The following SCNN1B variants were observed in gnomAD, a reference collection of about 807,000 sequenced individuals.
The protein encoded by SCNN1B is epithelial sodium channel subunit beta.
In SCNN1B, 46 loss-of-function variants were observed where a neutral mutation model predicts 65.3. The ratio of observed to expected loss-of-function variants is 0.70; its 90% CI spans 0.56 to 0.90. The LOEUF (loss-of-function observed/expected upper bound fraction) is 0.90, where lower values mean the gene tolerates loss of function less well. Among genes scored for constraint, SCNN1B ranks in the 40% least tolerant of loss-of-function variants. The pLI, the probability that SCNN1B is intolerant of heterozygous loss-of-function variation, is 0.00. For synonymous variants in SCNN1B, 349 were observed against 330.6 expected (o/e 1.06, Z -0.60); for missense variants, 751 against 830.5 (o/e 0.90, Z 1.18).
chr16:23,316,472 C>A (rs1350442414), intron 1 of SCNN1B, among the ~76,000 whole-genome samples: 2 of 127,174 alleles, frequency 1.6e-5, no homozygotes, highest in Admixed American at 8.3e-5. Context: ...CACCATCACC[C>A]TGACCATCAC....
chr16:23,350,994 AT>A (rs1357005047), intron 2 of SCNN1B, among the ~76,000 whole-genome samples: 4 of 152,210 alleles, frequency 2.6e-5, no homozygotes, highest in Non-Finnish European at 2.9e-5. Context: ...AAATCAGAGC[AT>A]GTTGGGAGGC....
intron 7 of SCNN1B, among the ~76,000 whole-genome samples, chr16:23,372,595 A>C (rs1962808004): frequency 6.6e-6 from 1 of 151,420 alleles, no homozygotes; most frequent in Non-Finnish European, 1.5e-5. Context: ...CCCAGGTTCA[A>C]GCAATTCTCT....
At position 23,285,686 on chromosome 16, in the gene SCNN1B, A is replaced by G. The variant is rs529787877; in HGVS notation, n.178+1882A>G. Among the ~76,000 whole-genome samples the G allele has an allele frequency of 1.5e-3, 221 of 152,282 alleles. 1 individual carries two copies. Among genetic ancestry groups the G allele is most frequent in the African/African-American group, 5.1e-3 (213 of 41,562 alleles). ...ATAAAAAAAAATAATAAAAAATACA[A>G]TAATAGTCTGGGCACAGTGGCTCAC... is the stretch of plus-strand genomic sequence containing the variant. On this transcript the variant is annotated intron_variant and non_coding_transcript_variant, in intron 2 of 3. Coordinates refer to the SCNN1B transcript ENST00000569789.
Position 23,380,667 on chromosome 16 carries a change from C to G in SCNN1B, c.1789C>G (p.Arg597Gly), listed in dbSNP as rs373718332. ...TGGCTTCCAGCCTGACACGGCCCCC[C>G]GCAGCCCCAACACTGGGCCCTACCC... ...NFGFQPDTAP[R>G]SPNTGPYPSE... Residue 597 changes from arginine (R) to glycine (G), a missense_variant, in exon 13 of 13, where the codon CGC (arginine) becomes GGC (glycine). Arg to Gly is a moderately radical substitution (Grantham distance 125). Transcript: ENST00000343070. This position sits in a 1 kb window ranked among gnomAD's most constrained non-coding sequence, Gnocchi z 5.4. 5.6e-6 allele frequency: 9 copies of G among 1,612,606 alleles called. No homozygotes were observed. Among genetic ancestry groups the G allele is most frequent in the Non-Finnish European group, 7.6e-6 (9 of 1,179,486 alleles).
At chr16:23,370,535 G>A (rs1962761097) in intron 5 of SCNN1B, among the ~76,000 whole-genome samples, 1 of 152,170 alleles carries the variant, frequency 6.6e-6, no homozygotes, top group African/African-American at 2.4e-5. Flanking sequence ...TGGGAGACTG[G>A]GTCCAGTCCC....
intron 3 of SCNN1B, 128 bp from the exon 4 acceptor site, chr16:23,355,171 C>G (rs1197449190): frequency 1.1e-6 from 1 of 870,156 alleles, no homozygotes; most frequent in Non-Finnish European, 1.9e-6. Context: ...CGTTTCCCAC[C>G]ACCAAGTTGC....
chr16:23,292,779 T>C (rs1485236137), intron 2 of SCNN1B, among the ~76,000 whole-genome samples: 2 of 150,306 alleles, frequency 1.3e-5, no homozygotes, highest in African/African-American at 2.4e-5. Flanking sequence ...GCTAAGATTA[T>C]GGGCATGAGC....
chr16:23,378,556 G>T, intron 10 of SCNN1B, 150 bp from the exon 11 acceptor site: 1 of 739,834 alleles, frequency 1.4e-6, no homozygotes, highest in South Asian at 1.5e-5. Flanking sequence ...CTTCCACTAC[G>T]ACCTTCCTCC....
chr16:23,377,145 C>T lies in SCNN1B; in HGVS notation c.1271-20C>T. The stretch of plus-strand genomic sequence containing the variant: ...AAAGCCCCCTTAAACCTCTTGGCCG[C>T]CTTTCTGTCTCCTGCGCAGCCCATT... On this transcript the variant is annotated intron_variant, in intron 8 of 12. Coordinates refer to ENST00000343070, the MANE Select transcript of SCNN1B (RefSeq NM_000336.3). The T allele has an allele frequency of 2.5e-6, 4 of 1,612,238 alleles. No individual in the cohort carries two copies. The highest frequency in any genetic ancestry group is 3.4e-6 in the Non-Finnish European group (4 of 1,179,134).
At chr16:23,340,426 C>G (rs943859290) in intron 1 of SCNN1B, among the ~76,000 whole-genome samples, 1 of 151,966 alleles carries the variant, frequency 6.6e-6, no homozygotes, top group African/African-American at 2.4e-5. Context: ...TTTATTAGGT[C>G]TATGAACCAT....
intron 1 of SCNN1B, among the ~76,000 whole-genome samples, chr16:23,308,036 C>A (rs1961258814): frequency 6.6e-6 from 1 of 151,880 alleles, no homozygotes; most frequent in Admixed American, 6.6e-5. Context: ...CAGAGAGAGA[C>A]CTTTTCTCAA....
rs957466917 is a variant in SCNN1B at position 23,381,281 on chromosome 16, G to A, written c.*480G>A. 4 of 177,154 alleles carry A rather than the reference G, an allele frequency of 2.3e-5. No homozygotes were observed. Among genetic ancestry groups the A allele is most frequent in the African/African-American group, 9.5e-5 (4 of 42,044 alleles). The allele number at this position is 177,154 out of a possible 1,614,324, so 11.0% of individuals were successfully genotyped here. On this transcript the variant is annotated 3_prime_UTR_variant, in exon 13 of 13. Coordinates refer to ENST00000343070, the MANE Select transcript of SCNN1B (RefSeq NM_000336.3). ...ACCTGATTTACTCTAGAAAATAAAAGTAGAAAATACTGAGTCCAGCTGTGT... is the reference window on the plus strand; with the variant it reads ...ACCTGATTTACTCTAGAAAATAAAAATAGAAAATACTGAGTCCAGCTGTGT...
chr16:23,301,113 C>G (rs1049486580), upstream of SCNN1B, among the ~76,000 whole-genome samples: 2 of 151,726 alleles, frequency 1.3e-5, no homozygotes, highest in African/African-American at 4.9e-5. Flanking sequence ...CCTGTAATCC[C>G]AACACTTTGG....
In SCNN1B at chr16:23,371,205, C is replaced by T. The variant is rs549565646; in HGVS notation, c.881-94C>T. 205 of 1,439,476 alleles carry T rather than the reference C, an allele frequency of 1.4e-4. No individual in the cohort carries two copies. In the South Asian group the frequency reaches 2.4e-3, roughly 17 times the overall value. The allele number at this position is 1,439,476 out of a possible 1,614,324, so 89.2% of individuals were successfully genotyped here. ...GCCTCCTTGGCGGTCCCTGGAGGTC[C>T]CCTGGCCGGAGGGAGCTTGGAGAAG... On this transcript the variant is annotated intron_variant, in intron 5 of 12. Coordinates refer to ENST00000343070, the MANE Select transcript of SCNN1B (RefSeq NM_000336.3).
At chr16:23,319,422 G>C (rs1961541183) in intron 1 of SCNN1B, among the ~76,000 whole-genome samples, 1 of 152,134 alleles carries the variant, frequency 6.6e-6, no homozygotes, top group Admixed American at 6.6e-5. Context: ...GCCGGTGTTT[G>C]ATCCACCAGC....
rs1963022244 is a variant in SCNN1B, at chr16:23,380,524, G to A, written c.1646G>A (p.Trp549Ter). 2 of 1,613,986 alleles carry A rather than the reference G, an allele frequency of 1.2e-6. No individual in the cohort carries two copies. Among genetic ancestry groups the A allele is most frequent in the African/African-American group, 1.3e-5 (1 of 74,886 alleles). The change falls in exon 13 of 13, where the codon TGG becomes TAG. Residue 549 changes from tryptophan (W) to a stop codon, truncating the protein, a stop_gained. Transcript: ENST00000343070. LOFTEE classifies it high-confidence loss of function. This position sits in a 1 kb window ranked among gnomAD's most constrained non-coding sequence, Gnocchi z 5.4. Reference protein sequence around the residue: ...EFGEIIIDFVWITIIKLVALA... With the variant: ...EFGEIIIDFV ...GGGGAGATCATCATCGACTTTGTGT[G>A]GATCACCATCATCAAGCTGGTGGCC...
chr16:23,339,413 CTT>C (rs35226677), intron 1 of SCNN1B, among the ~76,000 whole-genome samples: 12 of 149,606 alleles, frequency 8.0e-5, no homozygotes, highest in African/African-American at 1.7e-4. Flanking sequence ...GTTCATTTAA[CTT>C]TTTTTTTTTA....
intron 1 of SCNN1B, among the ~76,000 whole-genome samples, chr16:23,280,097 TAG>T (rs1960763144): frequency 1.3e-5 from 2 of 152,218 alleles, no homozygotes; most frequent in South Asian, 4.1e-4. Context: ...CACCAACAGT[TAG>T]TAGTAACAAT....
chr16:23,369,969 C>T (rs908877915), intron 5 of SCNN1B, among the ~76,000 whole-genome samples: 4 of 152,198 alleles, frequency 2.6e-5, no homozygotes, highest in African/African-American at 9.6e-5. Context: ...GTCTCACTCT[C>T]GCTCAGGCTG....
Sources: allele counts gnomAD v4.1 joint callset (sites outside exome capture counted in the v4.1 genomes callset), GRCh38; gene constraint gnomAD v4.1.1; non-coding constraint Gnocchi (gnomAD v3.1); transcripts MANE v1.5; gene names NCBI Gene and HGNC (gene_info 2026-07-23, HGNC 2026-07-21).